Variants in PLEC observed in about 807,000 individuals in gnomAD.
PLEC encodes the protein plectin.
Under a neutral mutation model 392.8 loss-of-function variants are expected in PLEC, and 216 were observed. The observed-to-expected ratio is 0.55, with a 90% CI of 0.49 to 0.62. The LOEUF is 0.62. PLEC is among the 20% of genes least tolerant of loss of function. The probability of loss-of-function intolerance (pLI) is 0.00; values close to 1 mark genes in which losing one functional copy is unlikely to be tolerated. For synonymous variants in PLEC, 3,621 were observed against 2,980.6 expected (o/e 1.21, Z -7.00); for missense variants, 6,863 against 6,563.4 (o/e 1.05, Z -1.58).
rs782531536 is a variant in PLEC at position 143,922,085 on chromosome 8, T to C, written c.7736A>G (p.Gln2579Arg). Residue 2579 changes from glutamine to arginine, a missense_variant, in exon 32 of 32, where the codon CAG (glutamine) becomes CGG (arginine). By Grantham distance (43) the Gln-to-Arg change is conservative. Coordinates refer to ENST00000345136, the MANE Select transcript of PLEC (RefSeq NM_201384.3). Reference sequence around the variant, plus strand: ...CAGCAGCTCCTCCTGCTGCCGCCGCTGCTGCTCCAGCTGCTGCAGCTCCTC... The same window carrying C: ...CAGCAGCTCCTCCTGCTGCCGCCGCCGCTGCTCCAGCTGCTGCAGCTCCTC... ...KQEELQQLEQ[Q>R]RRQQEELLAE... 3.8e-6 allele frequency: 6 copies of C among 1,573,218 alleles called. No homozygotes were observed. The African/African-American group carries it at 4.0e-5, about 11-fold the overall frequency.
Position 143,925,573 on chromosome 8 carries a change from C to T in PLEC, c.4356G>A (p.Glu1452=). The T allele has an allele frequency of 6.3e-7, 1 of 1,583,004 alleles. No individual in the cohort carries two copies. Among genetic ancestry groups the T allele is most frequent in the Non-Finnish European group, 8.5e-7 (1 of 1,172,388 alleles). ...ACTGCAGGCGCACCACGCGGATCTC[C>T]TCCTCGATGCGCAGCCGGCTGCGCT... The part of the protein sequence containing the change: ...AAERSRLRIE[E]EIRVVRLQLE... The change falls in exon 31 of 32, where the codon GAG becomes GAA. Residue 1452 remains glutamate, a synonymous_variant. Transcript: ENST00000345136.
chr8:143,961,146 A>AT (rs1356968965), intron 1 of PLEC, among the ~76,000 whole-genome samples: 1 of 152,154 alleles, frequency 6.6e-6, no homozygotes, highest in Non-Finnish European at 1.5e-5. Context: ...CAGATTTTTG[A>AT]TTTTTGCCAA....
rs1554707905 is a variant in PLEC at position 143,927,573 on chromosome 8, C to T, written c.3593G>A (p.Arg1198Gln). 9 of 1,590,920 alleles carry T rather than the reference C, an allele frequency of 5.7e-6. No individual in the cohort carries two copies. The highest frequency in any genetic ancestry group is 2.3e-5 in the East Asian group (1 of 44,098). ...GCCCAGTTGCTCGAGCTCGCGCTGC[C>T]GCACGTCGGTCTGGGCCAGCACAGC... ...WQAVLAQTDV[R>Q]QRELEQLGRQ... is the part of the protein sequence containing the mutation. The change falls in exon 27 of 32, where the codon CGG becomes CAG. Residue 1198 changes from arginine to glutamine, a missense_variant. Physicochemically the swap from Arg to Gln is conservative, Grantham distance 43 (BLOSUM62 1). Coordinates refer to ENST00000345136, the MANE Select transcript of PLEC (RefSeq NM_201384.3).
At chr8:143,960,011 G>A (rs541431651) in intron 1 of PLEC, among the ~76,000 whole-genome samples, 14 of 151,648 alleles carry the variant, frequency 9.2e-5, no homozygotes, top group Non-Finnish European at 1.5e-4. Flanking sequence ...CCAGGCACGC[G>A]GTGGCTCACG....
rs781978205 is a variant in PLEC at position 143,919,343 on chromosome 8, T to C, written c.10478A>G (p.Tyr3493Cys). The C allele has an allele frequency of 6.2e-7, 1 of 1,613,886 alleles. No homozygotes were observed. The highest frequency in any genetic ancestry group is 8.5e-7 in the Non-Finnish European group (1 of 1,180,016). ...GACGCGGTTCATCTCCTCACTGAAG[T>C]AGCCGCGCTGGTAGGCCACGTCCAC... The part of the protein sequence containing the change: ...VPVDVAYQRG[Y>C]FSEEMNRVLA... Residue 3493 changes from tyrosine to cysteine, a missense_variant, in exon 32 of 32, where the codon TAC (tyrosine) becomes TGC (cysteine). Physicochemically the swap from Tyr to Cys is radical, Grantham distance 194. Transcript: ENST00000345136.
Position 143,925,766 on chromosome 8 carries a change from C to T in PLEC, c.4163G>A (p.Arg1388Gln), listed in dbSNP as rs782497322. 1.3e-5 allele frequency: 20 copies of T among 1,591,230 alleles called. No homozygotes were observed. The highest frequency in any genetic ancestry group is 6.7e-5 in the African/African-American group (5 of 74,844). Reference protein sequence around the residue: ...AHAQAKAQAEREAKELQQRMQ... With the variant: ...AHAQAKAQAEQEAKELQQRMQ... Reference sequence around the variant, plus strand: ...GCGCTGCTGCAGCTCCTTCGCCTCCCGCTCCGCCTGTGCCTTTGCCTGGGC... The same window carrying T: ...GCGCTGCTGCAGCTCCTTCGCCTCCTGCTCCGCCTGTGCCTTTGCCTGGGC... Residue 1388 changes from arginine to glutamine, a missense_variant, in exon 31 of 32, where the codon CGG becomes CAG. Arg to Gln is a conservative substitution (Grantham distance 43, BLOSUM62 1). Coordinates refer to ENST00000345136, the MANE Select transcript of PLEC (RefSeq NM_201384.3).
At chr8:143,972,613 C>T (rs1039334441) in intron 1 of PLEC, among the ~76,000 whole-genome samples, 29 of 152,234 alleles carry the variant, frequency 1.9e-4, no homozygotes, top group African/African-American at 5.1e-4. Context: ...GGGCCCCCAC[C>T]GCGACCCTCC....
chr8:143,931,534 C>T lies in PLEC; in HGVS notation c.2304G>A (p.Gln768=). Residue 768 remains glutamine, a splice_region_variant and synonymous_variant, in exon 19 of 32, where the codon CAG becomes CAA. Coordinates refer to ENST00000345136, the MANE Select transcript of PLEC (RefSeq NM_201384.3). The part of the protein sequence containing the change: ...TRLEDLLQDA[Q]DEKEQLNEYK... The stretch of plus-strand genomic sequence containing the variant: ...CGCCCCTGCACACCCCCTCCCTCAC[C>T]TGGGCATCCTGCAGCAGGTCCTCCA... 6.3e-7 allele frequency: 1 copy of T among 1,587,698 alleles called. No homozygotes were observed. The highest frequency in any genetic ancestry group is 8.6e-7 in the Non-Finnish European group (1 of 1,167,174).
chr8:143,948,929 A>T (rs1406168624), intron 1 of PLEC, among the ~76,000 whole-genome samples: 1 of 152,222 alleles, frequency 6.6e-6, no homozygotes, highest in Non-Finnish European at 1.5e-5. Context: ...ATGCCTGGCC[A>T]AGCAGTCTTT....
intron 1 of PLEC, among the ~76,000 whole-genome samples, chr8:143,964,991 A>T (rs1306473315): frequency 1.6e-5 from 1 of 63,074 alleles, no homozygotes. Flanking sequence ...CCCCCAACCA[A>T]CCCCCACCCC....
rs1554691960 is a variant in PLEC at position 143,923,339 on chromosome 8, T to C, written c.6590A>G (p.Glu2197Gly). The C allele has an allele frequency of 3.1e-6, 5 of 1,610,206 alleles. No homozygotes were observed. Among genetic ancestry groups the C allele is most frequent in the African/African-American group, 1.3e-5 (1 of 74,874 alleles). ...ELTTLRLQLEETDHQKNLLDE... is the reference protein window; with the variant it reads ...ELTTLRLQLEGTDHQKNLLDE... ...CAGCAGGTTCTTCTGGTGGTCGGTC[T>C]CCTCCAGCTGCAGCCGCAGTGTTGT... The change falls in exon 31 of 32, where the codon GAG (glutamate) becomes GGG (glycine). Residue 2197 changes from glutamate (E) to glycine (G), a missense_variant. Coordinates refer to ENST00000345136, the MANE Select transcript of PLEC (RefSeq NM_201384.3).
rs140231615 is a variant in PLEC, at chr8:143,965,427, T to TCCACCTGGTCTGCCATGATGCCAGG, written c.70+7975_70+7976insCCTGGCATCATGGCAGACCAGGTGG. ...CTGAACGCGTGTTCCCAACTCCCCT[T>TCCACCTGGTCTGCCATGATGCCAGG]CCACTGGGCCTACAGATGACCCGGC... On this transcript the variant is annotated intron_variant, in intron 1 of 31. Transcript: ENST00000356346. Among the ~76,000 whole-genome samples, 3 of 151,846 alleles carry TCCACCTGGTCTGCCATGATGCCAGG rather than the reference T, an allele frequency of 2.0e-5. No individual in the cohort carries two copies. In the East Asian group the frequency reaches 5.8e-4, roughly 29 times the overall value.
At chr8:143,961,237 T>TA (rs1200409725) in intron 1 of PLEC, among the ~76,000 whole-genome samples, 1 of 152,108 alleles carries the variant, frequency 6.6e-6, no homozygotes, top group Non-Finnish European at 1.5e-5. Context: ...TTCCTTTTTT[T>TA]TTTTTTGAGA....
At chr8:143,976,200 C>T (rs774835892), upstream of PLEC, among the ~76,000 whole-genome samples, 120 of 152,322 alleles carry the variant, frequency 7.9e-4, no homozygotes, top group Non-Finnish European at 1.1e-3. Context: ...GGCGCGTACA[C>T]CGGCACCGCG....
chr8:143,950,823 AGGGC>A (rs1376923552), exon 1 of PLEC: 27 of 1,493,694 alleles, frequency 1.8e-5, no homozygotes, highest in Non-Finnish European at 2.4e-5. Context: ...GGGCAGCGGC[AGGGC>A]AGGCGGGCGG....
At chr8:143,942,459 C>T, upstream of PLEC, 1 of 1,601,438 alleles carries the variant, frequency 6.2e-7, no homozygotes, top group Non-Finnish European at 8.5e-7. Context: ...CCAGCCAGCA[C>T]GGCCGCTCCA....
intron 30 of PLEC, 36 bp from the exon 31 acceptor site, chr8:143,925,920 AGAG>A: frequency 6.5e-7 from 1 of 1,533,336 alleles, no homozygotes; most frequent in South Asian, 1.2e-5. Context: ...AGAAGCAGAG[AGAG>A]TGTGAACACG....
upstream of PLEC, among the ~76,000 whole-genome samples, chr8:143,955,693 G>A (rs930174801): frequency 1.1e-4 from 16 of 151,816 alleles, no homozygotes; most frequent in African/African-American, 3.6e-4. Context: ...TCGACCTCCT[G>A]GGCTCAAGCG....
Position 143,934,309 on chromosome 8 carries a change from C to A in PLEC, c.1169+9G>T, listed in dbSNP as rs781795055. Reference sequence around the variant, plus strand: ...GGTGGTTCCCCTGCCACCACAGGGCCCCACCCACCTCTCAAACTCGCTGCG... The same window carrying A: ...GGTGGTTCCCCTGCCACCACAGGGCACCACCCACCTCTCAAACTCGCTGCG... On this transcript the variant is annotated intron_variant, in intron 11 of 31. Coordinates refer to ENST00000345136, the MANE Select transcript of PLEC (RefSeq NM_201384.3). 2 of 1,611,694 alleles carry A rather than the reference C, an allele frequency of 1.2e-6. No homozygotes were observed. The highest frequency in any genetic ancestry group is 1.7e-5 in the Admixed American group (1 of 60,018).
Sources: allele counts gnomAD v4.1 joint callset (sites outside exome capture counted in the v4.1 genomes callset), GRCh38; gene constraint gnomAD v4.1.1; transcripts MANE v1.5; gene names NCBI Gene and HGNC (gene_info 2026-07-23, HGNC 2026-07-21).